Variants in GASK1A observed in about 807,000 individuals in gnomAD.
GASK1A encodes the protein golgi associated kinase 1A, also known as Golgi-associated kinase 1A.
In GASK1A, 40 loss-of-function variants were observed where a neutral mutation model predicts 41.2. The observed-to-expected ratio is 0.97, with a 90% CI of 0.75 to 1.27. The LOEUF (loss-of-function observed/expected upper bound fraction) is 1.27, where lower values mean the gene tolerates loss of function less well. GASK1A is among the 50% of genes most tolerant of loss of function. The probability of loss-of-function intolerance (pLI) is 0.00; values close to 1 mark genes in which losing one functional copy is unlikely to be tolerated. For missense variants in GASK1A, 678 were observed against 745.1 expected (o/e 0.91, Z 1.05); for synonymous variants, 316 against 307.1 (o/e 1.03, Z -0.30).
At chr3:42,997,958 C>T (rs923428332) in intron 1 of GASK1A, among the ~76,000 whole-genome samples, 1 of 152,174 alleles carries the variant, frequency 6.6e-6, no homozygotes, top group African/African-American at 2.4e-5. Context: ...AGGAACATGT[C>T]ACTCCTAGGA....
intron 2 of GASK1A, among the ~76,000 whole-genome samples, chr3:43,042,802 C>G (rs62247125): frequency 6.6e-6 from 1 of 152,164 alleles, no homozygotes; most frequent in Non-Finnish European, 1.5e-5. Flanking sequence ...CTGGTCTATT[C>G]GCCGGCTTCC....
At chr3:43,023,019 A>G (rs1310532557) in intron 1 of GASK1A, among the ~76,000 whole-genome samples, 1 of 152,240 alleles carries the variant, frequency 6.6e-6, no homozygotes, top group Non-Finnish European at 1.5e-5. Context: ...TACCATGTGT[A>G]GTAGGCTGAA....
At chr3:43,050,639 TTA>T (rs2089684618) in intron 2 of GASK1A, among the ~76,000 whole-genome samples, 1 of 152,144 alleles carries the variant, frequency 6.6e-6, no homozygotes, top group Non-Finnish European at 1.5e-5. Flanking sequence ...AAAACTCCTC[TTA>T]TATATATGTT....
intron 1 of GASK1A, among the ~76,000 whole-genome samples, chr3:43,000,621 A>G (rs372799482): frequency 9.2e-5 from 14 of 152,260 alleles, no homozygotes; most frequent in African/African-American, 3.4e-4. Flanking sequence ...TCTTTGTTAC[A>G]TTCCTCTGTC....
chr3:42,983,014 G>A (rs1340016875), intron 1 of GASK1A, among the ~76,000 whole-genome samples: 3 of 152,134 alleles, frequency 2.0e-5, no homozygotes, highest in South Asian at 4.1e-4. Context: ...GCTAGGGCCC[G>A]GGTCTCCTAG....
chr3:43,017,495 CTG>C (rs943997475), intron 1 of GASK1A, among the ~76,000 whole-genome samples: 10 of 137,642 alleles, frequency 7.3e-5, no homozygotes, highest in African/African-American at 2.5e-4. Flanking sequence ...GTCACAGGGG[CTG>C]TGTCAAGCTA....
intron 2 of GASK1A, among the ~76,000 whole-genome samples, chr3:43,049,923 TC>T (rs58959102): frequency 3.4e-5 from 5 of 148,728 alleles, no homozygotes; most frequent in African/African-American, 9.8e-5. Context: ...TATAAATCTC[TC>T]CCCCCCCACT....
intron 1 of GASK1A, among the ~76,000 whole-genome samples, chr3:43,020,879 T>C (rs1430151910): frequency 2.6e-5 from 4 of 152,194 alleles, no homozygotes; most frequent in African/African-American, 9.7e-5. Context: ...CATATCCTGG[T>C]AGCAAAAGCA....
At chr3:43,055,387 C>A in intron 3 of GASK1A, 45 bp from the exon 4 acceptor site, 1 of 1,415,642 alleles carries the variant, frequency 7.1e-7, no homozygotes, top group Non-Finnish European at 9.8e-7. Context: ...CCAGCCGTAG[C>A]TGCACCCTTA....
At chr3:43,012,979 G>A (rs2089471312) in intron 1 of GASK1A, among the ~76,000 whole-genome samples, 1 of 150,962 alleles carries the variant, frequency 6.6e-6, no homozygotes, top group African/African-American at 2.4e-5. Flanking sequence ...GGAAGAGGCA[G>A]TGTGAAGTTA....
chr3:43,050,496 G>T (rs1482870738), intron 2 of GASK1A, among the ~76,000 whole-genome samples: 1 of 150,798 alleles, frequency 6.6e-6, no homozygotes, highest in Non-Finnish European at 1.5e-5. Flanking sequence ...CTAGGTGTAG[G>T]TCTCTTTCAG....
Position 43,011,480 on chromosome 3 carries a change from T to C in GASK1A, c.4-20787T>C, listed in dbSNP as rs147355397. On this transcript the variant is annotated intron_variant, in intron 1 of 4. Transcript: ENST00000430121. ...TAAGAACCCACTGTGTGGGCTGTCA[T>C]TTACAAGGCAGGGCTGGCTTCTAGG... 3.3e-5 allele frequency among the ~76,000 whole-genome samples: 5 copies of C among 152,282 alleles called. No homozygotes were observed. The East Asian group carries it at 5.8e-4, about 18-fold the overall frequency.
chr3:43,053,582 T>C lies in GASK1A; in HGVS notation c.1352T>C (p.Val451Ala), dbSNP rs1043155623. ...GFEPEPSDPC[V>A]EERLREKCQN... ...GAGCCTGAGCCCTCAGACCCCTGTGTGGAAGAGAGGCTCCGAGAGAAATGC... is the reference window on the plus strand; with the variant it reads ...GAGCCTGAGCCCTCAGACCCCTGTGCGGAAGAGAGGCTCCGAGAGAAATGC... Residue 451 changes from valine (V) to alanine (A), a missense_variant, in exon 3 of 5, where the codon GTG becomes GCG. By Grantham distance (64) the Val-to-Ala change is moderately conservative. Transcript: ENST00000430121. 2 of 1,551,702 alleles carry C rather than the reference T, an allele frequency of 1.3e-6. No homozygotes were observed. Among genetic ancestry groups the C allele is most frequent in the Admixed American group, 3.9e-5 (2 of 51,012 alleles).
chr3:42,985,862 G>T (rs1395286047), intron 1 of GASK1A, among the ~76,000 whole-genome samples: 2 of 152,112 alleles, frequency 1.3e-5, no homozygotes, highest in Admixed American at 1.3e-4. Context: ...GTATTGGTCA[G>T]GATGCCAGCA....
intron 1 of GASK1A, among the ~76,000 whole-genome samples, chr3:43,030,673 G>A (rs2089570733): frequency 6.6e-6 from 1 of 152,222 alleles, no homozygotes; most frequent in Non-Finnish European, 1.5e-5. Context: ...TCATGAGCAG[G>A]ACAAGTCAGC....
rs1335924999 is a variant in GASK1A, at chr3:43,057,075, G to A, written c.*689G>A. The A allele has an allele frequency of 6.6e-6, 1 of 152,048 alleles. No homozygotes were observed. Among genetic ancestry groups the A allele is most frequent in the Non-Finnish European group, 1.5e-5 (1 of 68,002 alleles). The allele number at this position is 152,048 out of a possible 1,614,324, so 9.4% of individuals were successfully genotyped here. A position where few individuals can be genotyped will look rare whatever the true frequency, so the allele number is the denominator to read the frequency against. ...CATGCAAATTAAAAAATGAAAGTGT[G>A]GTCATGCTTTGTCAACTCACTATAT... On this transcript the variant is annotated 3_prime_UTR_variant, in exon 5 of 5. Transcript: ENST00000430121.
intron 1 of GASK1A, among the ~76,000 whole-genome samples, chr3:43,005,768 AAAGAG>A (rs1173276749): frequency 6.6e-6 from 1 of 152,254 alleles, no homozygotes; most frequent in African/African-American, 2.4e-5. Context: ...TCTTCTGAAG[AAAGAG>A]AAATTCATGC....
intron 1 of GASK1A, among the ~76,000 whole-genome samples, chr3:42,990,687 C>G (rs1050499355): frequency 1.2e-4 from 19 of 152,162 alleles, no homozygotes; most frequent in Admixed American, 3.9e-4. Context: ...AGCTCTGAGT[C>G]CCAGGTTTGA....
chr3:43,012,471 G>A (rs1203154842), intron 1 of GASK1A, among the ~76,000 whole-genome samples: 1 of 151,394 alleles, frequency 6.6e-6, no homozygotes, highest in Non-Finnish European at 1.5e-5. Flanking sequence ...GGAAGGCACA[G>A]TGTGAAGTCA....
Sources: gnomAD v4.1 joint callset for allele counts (sites outside exome capture counted in the v4.1 genomes callset) on GRCh38, gnomAD v4.1.1 for gene constraint, MANE v1.5 for transcripts, NCBI Gene and HGNC (gene_info 2026-07-23, HGNC 2026-07-21) for gene names.